ADAMTS6: variants seen among roughly 807,000 people sequenced by gnomAD.
ADAMTS6 encodes A disintegrin and metalloproteinase with thrombospondin motifs 6.
A neutral mutation model predicts 144.3 loss-of-function variants in ADAMTS6; 23 were observed. The observed-to-expected ratio is 0.16, with a 90% CI of 0.11 to 0.23. The LOEUF (loss-of-function observed/expected upper bound fraction) is 0.23, where lower values mean the gene tolerates loss of function less well. Among genes scored for constraint, ADAMTS6 ranks in the 10% least tolerant of loss-of-function variants. ADAMTS6 has a pLI of 1.00. For missense variants in ADAMTS6, 999 were observed against 1,379.6 expected, an observed-to-expected ratio of 0.72 and a Z score of 4.37; for synonymous variants, 444 against 457.5, an observed-to-expected ratio of 0.97 and a Z score of 0.38.
Position 65,444,930 on chromosome 5 carries a change from A to G in ADAMTS6, c.1073+6545T>C, listed in dbSNP as rs151121022. Among the ~76,000 whole-genome samples, 23 of 152,292 alleles carry G rather than the reference A, an allele frequency of 1.5e-4. No individual in the cohort carries two copies. The East Asian group carries it at 4.2e-3, about 28-fold the overall frequency. ...TCTCTCTTCTCCAATATGGAGAAAA[A>G]CAGCAGTCCTTATCTCATGCAGTTA... On this transcript the variant is annotated intron_variant, in intron 7 of 24. Transcript: ENST00000381055.
At chr5:65,388,759 T>G (rs1199699574) in intron 7 of ADAMTS6, among the ~76,000 whole-genome samples, 5 of 152,206 alleles carry the variant, frequency 3.3e-5, no homozygotes. Flanking sequence ...TGCTACGTAG[T>G]GTCAGTGCCT....
rs35087698 is a variant in ADAMTS6 at position 65,175,398 on chromosome 5, GA to G, written c.2911-2391del. The stretch of plus-strand genomic sequence containing the variant: ...AGAGAGAAATATACCAGAAGTTAAG[GA>G]AAAAAAAACAGTGTACCCTATTCCT... On this transcript the variant is annotated intron_variant, in intron 22 of 24. Transcript: ENST00000381055. 4.3e-3 allele frequency among the ~76,000 whole-genome samples: 641 copies of G among 149,826 alleles called. 9 individuals are homozygous for G. The highest frequency in any genetic ancestry group is 0.015 in the African/African-American group (623 of 40,744).
chr5:65,349,953 AATTAC>A (rs2150087662), intron 7 of ADAMTS6, among the ~76,000 whole-genome samples: 1 of 152,288 alleles, frequency 6.6e-6, no homozygotes, highest in East Asian at 1.9e-4. Flanking sequence ...TTGTAACTTT[AATTAC>A]ATTACTTCTA....
chr5:65,306,757 A>G (rs1743976513), intron 9 of ADAMTS6, among the ~76,000 whole-genome samples: 2 of 152,196 alleles, frequency 1.3e-5, no homozygotes, highest in South Asian at 4.1e-4. Context: ...TAGTAGGTAT[A>G]ATTTGCCTTT....
intron 7 of ADAMTS6, among the ~76,000 whole-genome samples, chr5:65,388,609 T>C (rs867499784): frequency 2.2e-4 from 34 of 152,362 alleles, no homozygotes; most frequent in African/African-American, 7.5e-4. Context: ...GTGTCACTCA[T>C]CCTAGGAGTC....
intron 12 of ADAMTS6, among the ~76,000 whole-genome samples, chr5:65,272,862 A>G (rs1580255318): frequency 6.6e-6 from 1 of 151,786 alleles, no homozygotes; most frequent in African/African-American, 2.4e-5. Context: ...TGGAGGTTGC[A>G]GTGAGCCAAG....
chr5:65,364,661 G>A (rs901365905), intron 7 of ADAMTS6, among the ~76,000 whole-genome samples: 1 of 150,842 alleles, frequency 6.6e-6, no homozygotes, highest in Non-Finnish European at 1.5e-5. Context: ...CCGCCTCCTG[G>A]GTTCATGCCA....
intron 7 of ADAMTS6, among the ~76,000 whole-genome samples, chr5:65,405,450 G>A (rs551618588): frequency 2.0e-5 from 3 of 152,112 alleles, no homozygotes; most frequent in Non-Finnish European, 4.4e-5. Flanking sequence ...AAGATCAGAT[G>A]GTTGTAGATG....
intron 22 of ADAMTS6, among the ~76,000 whole-genome samples, chr5:65,185,896 T>C (rs1444618224): frequency 1.3e-5 from 2 of 152,206 alleles, no homozygotes; most frequent in African/African-American, 4.8e-5. Flanking sequence ...CAGAATAGTG[T>C]AGGTCAGAAG....
chr5:65,202,479 C>T (rs1755799672), intron 20 of ADAMTS6, among the ~76,000 whole-genome samples: 1 of 151,834 alleles, frequency 6.6e-6, no homozygotes, highest in Admixed American at 6.6e-5. Flanking sequence ...TTTTTTAGTA[C>T]TATAAGGGAG....
At chr5:65,467,326 T>A (rs981598219) in intron 3 of ADAMTS6, among the ~76,000 whole-genome samples, 7 of 151,396 alleles carry the variant, frequency 4.6e-5, no homozygotes, top group Non-Finnish European at 1.0e-4. Context: ...TGAAGGAGGG[T>A]CTTTATTAAA....
chr5:65,416,554 G>A (rs1037131219), intron 7 of ADAMTS6, among the ~76,000 whole-genome samples: 1 of 151,924 alleles, frequency 6.6e-6, no homozygotes, highest in African/African-American at 2.4e-5. Context: ...TCTGTCAAGG[G>A]ATGAAGGAAT....
intron 4 of ADAMTS6, among the ~76,000 whole-genome samples, chr5:65,454,907 C>A (rs1759060594): frequency 6.6e-6 from 1 of 152,194 alleles, no homozygotes; most frequent in African/African-American, 2.4e-5. Context: ...GCACAGACTC[C>A]TGACCAACAG....
At chr5:65,262,716 C>T in intron 13 of ADAMTS6, 101 bp downstream of exon 13, 1 of 1,356,946 alleles carries the variant, frequency 7.4e-7, no homozygotes, top group Non-Finnish European at 9.6e-7. Context: ...AAGTACTTGG[C>T]TCACTAGCGA....
At chr5:65,356,319 G>C (rs1749318243) in intron 7 of ADAMTS6, among the ~76,000 whole-genome samples, 1 of 151,668 alleles carries the variant, frequency 6.6e-6, no homozygotes, top group Admixed American at 6.6e-5. Context: ...CATTTTTGTG[G>C]GTCTCTTGAA....
chr5:65,322,385 A>T (rs898530418), intron 9 of ADAMTS6, among the ~76,000 whole-genome samples: 2 of 152,060 alleles, frequency 1.3e-5, no homozygotes, highest in African/African-American at 4.8e-5. Context: ...GAATTTTAAA[A>T]CTGTTTTTTC....
intron 11 of ADAMTS6, among the ~76,000 whole-genome samples, chr5:65,286,362 T>A (rs1007680323): frequency 1.3e-5 from 2 of 152,198 alleles, no homozygotes; most frequent in Non-Finnish European, 2.9e-5. Flanking sequence ...CATGACACCA[T>A]GTATTAGCTC....
At chr5:65,223,775 A>G (rs1352686945) in intron 18 of ADAMTS6, among the ~76,000 whole-genome samples, 1 of 151,124 alleles carries the variant, frequency 6.6e-6, no homozygotes, top group Non-Finnish European at 1.5e-5. Context: ...TGATCATGTG[A>G]GTGTAGATAT....
At chr5:65,376,078 A>G (rs986944126) in intron 7 of ADAMTS6, among the ~76,000 whole-genome samples, 1 of 145,126 alleles carries the variant, frequency 6.9e-6, no homozygotes, top group African/African-American at 2.6e-5. Context: ...ACATGGACAC[A>G]GGAAGGGGAA....
Sources: allele counts gnomAD v4.1 joint callset (sites outside exome capture counted in the v4.1 genomes callset), GRCh38; gene constraint gnomAD v4.1.1; transcripts MANE v1.5; gene names NCBI Gene and HGNC (gene_info 2026-07-23, HGNC 2026-07-21).